The following NCKAP5 variants were observed in gnomAD, a reference collection of about 807,000 sequenced individuals.
The protein encoded by NCKAP5 is NCK associated protein 5, also known as nck-associated protein 5.
In NCKAP5, 92 loss-of-function variants were observed where a neutral mutation model predicts 167.0. The observed-to-expected ratio is 0.55, with a 90% confidence interval of 0.47 to 0.66. NCKAP5 has a LOEUF of 0.66. NCKAP5 is among the 30% of genes least tolerant of loss of function. The probability of loss-of-function intolerance (pLI) is 0.00; values close to 1 mark genes in which losing one functional copy is unlikely to be tolerated. For missense variants in NCKAP5, 2,378 were observed against 2,315.0 expected, an observed-to-expected ratio of 1.03 and a Z score of -0.56; for synonymous variants, 891 against 877.4, an observed-to-expected ratio of 1.02 and a Z score of -0.27.
At chr2:133,570,141 T>C (rs1420397144), upstream of NCKAP5, among the ~76,000 whole-genome samples, 1 of 152,178 alleles carries the variant, frequency 6.6e-6, no homozygotes, top group African/African-American at 2.4e-5. Context: ...AGGTGCAGCG[T>C]AGAAGGTGGC....
At chr2:133,601,872 C>T in the NCKAP5 span, among the ~76,000 whole-genome samples, 1 of 152,148 alleles carries the variant, frequency 6.6e-6, no homozygotes, top group South Asian at 2.1e-4. Flanking sequence ...AGTCATAGTA[C>T]AGCAGAAGTA....
chr2:133,476,729 C>A (rs1201609248), intron 3 of NCKAP5, among the ~76,000 whole-genome samples: 5 of 152,132 alleles, frequency 3.3e-5, no homozygotes, highest in Non-Finnish European at 5.9e-5. Context: ...TTCTCCTTCC[C>A]CCTTTCTCGT....
chr2:132,834,930 G>A (rs1687781755), intron 11 of NCKAP5, among the ~76,000 whole-genome samples: 1 of 152,180 alleles, frequency 6.6e-6, no homozygotes, highest in South Asian at 2.1e-4. Context: ...CCCCTGTTCA[G>A]TAGGATGCTG....
chr2:133,115,405 T>G (rs888198331), intron 6 of NCKAP5, among the ~76,000 whole-genome samples: 1 of 152,134 alleles, frequency 6.6e-6, no homozygotes, highest in Non-Finnish European at 1.5e-5. Context: ...TGTACAAGCA[T>G]CTGTTTTCAA....
chr2:133,139,053 A>ATC (rs1194620902), intron 5 of NCKAP5, among the ~76,000 whole-genome samples: 3 of 152,260 alleles, frequency 2.0e-5, no homozygotes, highest in Middle Eastern at 3.4e-3. Context: ...TGGCTCATGG[A>ATC]TCTCTCTCTA....
At chr2:132,992,958 C>A (rs1350534815) in intron 7 of NCKAP5, among the ~76,000 whole-genome samples, 2 of 152,160 alleles carry the variant, frequency 1.3e-5, no homozygotes, top group African/African-American at 2.4e-5. Flanking sequence ...ACAGCCTCGC[C>A]TCTTAAGGTT....
intron 3 of NCKAP5, among the ~76,000 whole-genome samples, chr2:133,516,832 G>C (rs1416147854): frequency 6.6e-6 from 1 of 152,186 alleles, no homozygotes; most frequent in Non-Finnish European, 1.5e-5. Flanking sequence ...TAACAGAAAA[G>C]GTGACCCACA....
At chr2:133,212,899 C>T (rs2086269874) in intron 5 of NCKAP5, among the ~76,000 whole-genome samples, 1 of 152,184 alleles carries the variant, frequency 6.6e-6, no homozygotes, top group Non-Finnish European at 1.5e-5. Context: ...AGTGGATGGC[C>T]TGTCAATTAA....
At chr2:132,895,514 C>G (rs549046052) in intron 8 of NCKAP5, among the ~76,000 whole-genome samples, 1 of 151,982 alleles carries the variant, frequency 6.6e-6, no homozygotes, top group South Asian at 2.1e-4. Context: ...TAGCCAGAAG[C>G]TGGAAATGTA....
intron 7 of NCKAP5, among the ~76,000 whole-genome samples, chr2:132,986,095 A>G (rs543456861): frequency 1.3e-5 from 2 of 152,290 alleles, no homozygotes; most frequent in South Asian, 4.1e-4. Context: ...AGAGAAAGGA[A>G]GCACTTTCTA....
chr2:133,060,998 C>G (rs763491954), intron 6 of NCKAP5, among the ~76,000 whole-genome samples: 4 of 151,758 alleles, frequency 2.6e-5, no homozygotes, highest in Non-Finnish European at 5.9e-5. Context: ...AGAAAAAGCA[C>G]ATCCAGAATG....
In NCKAP5 at chr2:133,189,078, C is replaced by T. The variant is rs570936425; in HGVS notation, c.207+24638G>A. ...AGAAAAGAGAGAAGAATCAAATAGA[C>T]ACAATAAAAAATGATAAAGGGGATA... is the stretch of plus-strand genomic sequence containing the variant. On this transcript the variant is annotated intron_variant, in intron 5 of 19. Transcript: ENST00000409261. Among the ~76,000 whole-genome samples, 6 of 152,030 alleles carry T rather than the reference C, an allele frequency of 3.9e-5. No homozygotes were observed. The South Asian group carries it at 6.2e-4, about 16-fold the overall frequency.
intron 8 of NCKAP5, among the ~76,000 whole-genome samples, chr2:132,888,641 T>C (rs1334527623): frequency 6.6e-6 from 1 of 152,200 alleles, no homozygotes; most frequent in Non-Finnish European, 1.5e-5. Flanking sequence ...TCCACCCACC[T>C]CAGCCTCCCG....
intron 3 of NCKAP5, among the ~76,000 whole-genome samples, chr2:133,468,052 G>A (rs1305980223): frequency 4.6e-5 from 5 of 108,824 alleles, no homozygotes; most frequent in Non-Finnish European, 8.8e-5. Flanking sequence ...TCTTCTGATA[G>A]CTTTTGAATG....
chr2:133,473,956 C>T (rs1679588387), intron 3 of NCKAP5, among the ~76,000 whole-genome samples: 1 of 152,094 alleles, frequency 6.6e-6, no homozygotes, highest in African/African-American at 2.4e-5. Flanking sequence ...AGCAAACCCA[C>T]AAATGGGTAC....
chr2:132,724,817 C>T (rs530992020), intron 19 of NCKAP5, among the ~76,000 whole-genome samples: 135 of 152,092 alleles, frequency 8.9e-4, no homozygotes, highest in African/African-American at 2.9e-3. Context: ...CCTCCCCCAA[C>T]GCAAATACCA....
intron 18 of NCKAP5, among the ~76,000 whole-genome samples, chr2:132,727,469 G>T (rs1356999875): frequency 3.3e-5 from 5 of 152,112 alleles, no homozygotes; most frequent in Non-Finnish European, 5.9e-5. Context: ...CATCACCTGG[G>T]GATTTGTTAG....
chr2:133,103,120 A>G (rs2081572400), intron 6 of NCKAP5, among the ~76,000 whole-genome samples: 1 of 152,176 alleles, frequency 6.6e-6, no homozygotes, highest in South Asian at 2.1e-4. Flanking sequence ...CAATCTCATT[A>G]CATATTTTTA....
chr2:132,824,723 C>A (rs1439584801), intron 11 of NCKAP5, among the ~76,000 whole-genome samples: 1 of 152,102 alleles, frequency 6.6e-6, no homozygotes, highest in Non-Finnish European at 1.5e-5. Flanking sequence ...GGATGGAATG[C>A]TTCAAGCAAG....
Sources: allele counts gnomAD v4.1 joint callset (sites outside exome capture counted in the v4.1 genomes callset), GRCh38; gene constraint gnomAD v4.1.1; transcripts MANE v1.5; gene names NCBI Gene and HGNC (gene_info 2026-07-23, HGNC 2026-07-21).